PRKCE: variants seen among roughly 807,000 people sequenced by gnomAD.
The protein encoded by PRKCE is protein kinase C epsilon type.
PRKCE carries 16 observed loss-of-function variants against 85.4 expected under a neutral mutation model. The observed-to-expected ratio is 0.19, with a 90% CI of 0.13 to 0.28. The LOEUF is 0.28. Among genes scored for constraint, PRKCE ranks in the 10% least tolerant of loss-of-function variants. The probability of loss-of-function intolerance (pLI) is 1.00; values close to 1 mark genes in which losing one functional copy is unlikely to be tolerated. For synonymous variants in PRKCE, 388 were observed against 371.5 expected, an observed-to-expected ratio of 1.04 and a Z score of -0.51; for missense variants, 573 against 975.2, an observed-to-expected ratio of 0.59 and a Z score of 5.49.
At chr2:45,712,512 CT>C (rs1184593314) in intron 1 of PRKCE, among the ~76,000 whole-genome samples, 8 of 152,142 alleles carry the variant, frequency 5.3e-5, no homozygotes, top group Admixed American at 4.6e-4. Flanking sequence ...CTTAAAGCCC[CT>C]GATGGGAAGC....
At chr2:46,122,360 A>G (rs997159049) in intron 11 of PRKCE, among the ~76,000 whole-genome samples, 9 of 152,142 alleles carry the variant, frequency 5.9e-5, no homozygotes, top group Non-Finnish European at 8.8e-5. Flanking sequence ...CCTCCTGAGA[A>G]GCTGGGATTA....
chr2:46,155,360 C>T lies in PRKCE; in HGVS notation c.1920+4131C>T, dbSNP rs1444872103. Among the ~76,000 whole-genome samples, 1 of 152,130 alleles carries T rather than the reference C, an allele frequency of 6.6e-6. No individual in the cohort carries two copies. The highest frequency in any genetic ancestry group is 1.9e-4 in the East Asian group (1 of 5,194). On this transcript the variant is annotated intron_variant, in intron 13 of 14. Transcript: ENST00000306156. The surrounding 1 kb of genome is among the most constrained non-coding windows in gnomAD (Gnocchi z 4.7). Reference sequence around the variant, plus strand: ...TTCTCAGCTCCTTGCTGGTGTCACTCGCGGGCCCCTGTTCGGCTCCTTCAT... The same window carrying T: ...TTCTCAGCTCCTTGCTGGTGTCACTTGCGGGCCCCTGTTCGGCTCCTTCAT...
intron 2 of PRKCE, among the ~76,000 whole-genome samples, chr2:45,893,260 C>T (rs1695869586): frequency 6.6e-6 from 1 of 152,020 alleles, no homozygotes; most frequent in South Asian, 2.1e-4. Context: ...GACTGCAGTC[C>T]GGCAGGGTCA....
intron 1 of PRKCE, among the ~76,000 whole-genome samples, chr2:45,683,487 G>GTATTAGATAAGAAAA (rs1355002461): frequency 3.1e-4 from 47 of 152,326 alleles, no homozygotes; most frequent in Non-Finnish European, 4.7e-4. Flanking sequence ...CGAGGAGTAA[G>GTATTAGATAAGAAAA]GTGCCAAGTA....
At chr2:45,761,210 T>C (rs1248733188) in intron 1 of PRKCE, among the ~76,000 whole-genome samples, 3 of 150,464 alleles carry the variant, frequency 2.0e-5, no homozygotes, top group Non-Finnish European at 4.4e-5. Context: ...GCCTGTGGTC[T>C]CAGCTACTCG....
chr2:46,055,379 C>G (rs1666472972), intron 10 of PRKCE, among the ~76,000 whole-genome samples: 1 of 152,238 alleles, frequency 6.6e-6, no homozygotes, highest in South Asian at 2.1e-4. Context: ...CCTGCCAGCA[C>G]CGAAGCGGCT....
At chr2:45,898,940 G>C (rs1193772116) in intron 2 of PRKCE, among the ~76,000 whole-genome samples, 1 of 152,230 alleles carries the variant, frequency 6.6e-6, no homozygotes, top group African/African-American at 2.4e-5. Context: ...GTCCCAAAAA[G>C]AAAGCAGCCC....
intron 1 of PRKCE, among the ~76,000 whole-genome samples, chr2:45,739,138 T>A (rs998779202): frequency 6.6e-6 from 1 of 152,188 alleles, no homozygotes; most frequent in Non-Finnish European, 1.5e-5. Context: ...AGGCTTAAAT[T>A]CAACTATTAA....
chr2:45,936,183 A>G (rs951913298), intron 2 of PRKCE, among the ~76,000 whole-genome samples: 7 of 151,956 alleles, frequency 4.6e-5, no homozygotes, highest in Non-Finnish European at 5.9e-5. Flanking sequence ...ATGAGCTATT[A>G]CCCTGCCCAC....
intron 10 of PRKCE, among the ~76,000 whole-genome samples, chr2:46,064,280 CA>C (rs58347072): frequency 0.51 from 46,449 of 90,646 alleles, 8,397 homozygotes; most frequent in African/African-American, 0.63. Flanking sequence ...GACTCTGTCT[CA>C]AAAAAAAAAA....
At chr2:45,725,847 C>A (rs1245540804) in intron 1 of PRKCE, among the ~76,000 whole-genome samples, 2 of 150,330 alleles carry the variant, frequency 1.3e-5, no homozygotes, top group Admixed American at 1.3e-4. Flanking sequence ...AAACAAAAAA[C>A]CGCCACCAAC....
rs563390972 is a variant in PRKCE, at chr2:46,141,024, C to G, written c.1593-4069C>G. On this transcript the variant is annotated intron_variant, in intron 11 of 14. Coordinates refer to ENST00000306156, the MANE Select transcript of PRKCE (RefSeq NM_005400.3). ...TTGGGAAAGATATCGGAAGCAGGCA[C>G]TGTCATATATTGCTGATGGACGTAT... Among the ~76,000 whole-genome samples, 20 of 152,280 alleles carry G rather than the reference C, an allele frequency of 1.3e-4. No homozygotes were observed. The Middle Eastern group carries it at 0.014, about 104-fold the overall frequency.
intron 2 of PRKCE, among the ~76,000 whole-genome samples, chr2:45,973,919 T>G (rs1702267344): frequency 6.6e-6 from 1 of 152,176 alleles, no homozygotes; most frequent in South Asian, 2.1e-4. Flanking sequence ...TTTGAGAGAT[T>G]TGTAAATCAA....
At chr2:45,747,965 A>G (rs1435215924) in intron 1 of PRKCE, among the ~76,000 whole-genome samples, 2 of 151,898 alleles carry the variant, frequency 1.3e-5, no homozygotes, top group Non-Finnish European at 2.9e-5. Context: ...CCACCTGTAT[A>G]TCTTCTTTGG....
intron 6 of PRKCE, among the ~76,000 whole-genome samples, chr2:45,989,151 G>A (rs772931482): frequency 1.3e-5 from 2 of 152,318 alleles, no homozygotes; most frequent in Non-Finnish European, 2.9e-5. Flanking sequence ...CGGAAGCCCT[G>A]CTTTTTCTCA....
chr2:45,921,004 G>A (rs568847244), intron 2 of PRKCE, among the ~76,000 whole-genome samples: 1 of 152,164 alleles, frequency 6.6e-6, no homozygotes, highest in Non-Finnish European at 1.5e-5. Context: ...TCCCTACATC[G>A]GTGAGCTGAA....
chr2:45,763,315 T>C (rs1379133469), intron 1 of PRKCE, among the ~76,000 whole-genome samples: 4 of 152,186 alleles, frequency 2.6e-5, no homozygotes, highest in African/African-American at 9.6e-5. Flanking sequence ...GGCCTGTGAA[T>C]GGAAGGGGCA....
At chr2:45,829,803 G>A (rs1442032766) in intron 1 of PRKCE, among the ~76,000 whole-genome samples, 1 of 152,092 alleles carries the variant, frequency 6.6e-6, no homozygotes, top group African/African-American at 2.4e-5. Flanking sequence ...GCCGGGCGCG[G>A]TGGCTCACGC....
chr2:45,816,624 T>A (rs1689066773), intron 1 of PRKCE, among the ~76,000 whole-genome samples: 1 of 152,220 alleles, frequency 6.6e-6, no homozygotes, highest in Admixed American at 6.5e-5. Flanking sequence ...TTTATGATCA[T>A]TATGCCAGGG....
Sources: allele counts gnomAD v4.1 joint callset (sites outside exome capture counted in the v4.1 genomes callset), GRCh38; gene constraint gnomAD v4.1.1; non-coding constraint Gnocchi (gnomAD v3.1); transcripts MANE v1.5; gene names NCBI Gene and HGNC (gene_info 2026-07-23, HGNC 2026-07-21).